The following LDLRAD3 variants were observed in gnomAD, a reference collection of about 807,000 sequenced individuals.
LDLRAD3 encodes low density lipoprotein receptor class A domain containing 3.
LDLRAD3 carries 20 observed loss-of-function variants against 29.4 expected under a neutral mutation model. The ratio of observed to expected loss-of-function variants is 0.68; its 90% CI spans 0.48 to 0.99. LDLRAD3 has a LOEUF of 0.99. LDLRAD3 is among the 50% of genes least tolerant of loss of function. The pLI, the probability that LDLRAD3 is intolerant of heterozygous loss-of-function variation, is 0.00. For missense variants in LDLRAD3, 420 were observed against 454.3 expected (o/e 0.92, Z 0.69); for synonymous variants, 157 against 192.7 (o/e 0.81, Z 1.53).
At chr11:36,015,679 T>C (rs1852013896) in intron 1 of LDLRAD3, among the ~76,000 whole-genome samples, 1 of 150,354 alleles carries the variant, frequency 6.7e-6, no homozygotes, top group Admixed American at 6.6e-5. Flanking sequence ...GCCACTGTTC[T>C]GACTTCCAAC....
intron 1 of LDLRAD3, among the ~76,000 whole-genome samples, chr11:36,035,634 C>T (rs964417570): frequency 8.5e-5 from 13 of 152,104 alleles, no homozygotes; most frequent in Middle Eastern, 3.2e-3. Context: ...AATGATCTCC[C>T]GGTATTCCTT....
intron 1 of LDLRAD3, among the ~76,000 whole-genome samples, chr11:36,015,683 T>A (rs189538863): frequency 3.6e-4 from 54 of 148,304 alleles, no homozygotes; most frequent in Non-Finnish European, 6.4e-4. Flanking sequence ...CTGTTCTGAC[T>A]TCCAACATCA....
intron 1 of LDLRAD3, among the ~76,000 whole-genome samples, chr11:36,007,195 G>A (rs796860785): frequency 1.3e-4 from 20 of 152,292 alleles, no homozygotes; most frequent in African/African-American, 4.6e-4. Flanking sequence ...AGTGGAAGTC[G>A]TACATGCACC....
intron 4 of LDLRAD3, among the ~76,000 whole-genome samples, chr11:36,136,978 A>T (rs1263562525): frequency 1.3e-5 from 2 of 152,188 alleles, no homozygotes; most frequent in African/African-American, 4.8e-5. Context: ...GGCATGAGCC[A>T]CCGCACCCAG....
At chr11:35,986,209 C>T (rs1310698496) in intron 1 of LDLRAD3, among the ~76,000 whole-genome samples, 2 of 152,124 alleles carry the variant, frequency 1.3e-5, no homozygotes. Flanking sequence ...GGCTGATTAT[C>T]TCTAGGAAGA....
chr11:36,101,036 GGACACATACATATGAAGCCCAACTCTT>G (rs1853439139), intron 4 of LDLRAD3, among the ~76,000 whole-genome samples: 1 of 152,134 alleles, frequency 6.6e-6, no homozygotes, highest in African/African-American at 2.4e-5. Context: ...AGTTAGTGGT[GGACACATACATATGAAGCCCAACTCTT>G]GACACATACT....
intron 4 of LDLRAD3, among the ~76,000 whole-genome samples, chr11:36,119,211 G>A (rs1242499408): frequency 1.3e-5 from 2 of 152,196 alleles, no homozygotes; most frequent in Non-Finnish European, 2.9e-5. Flanking sequence ...CTAACCTACA[G>A]TATGTATCAG....
chr11:36,106,967 G>A (rs776900468), intron 4 of LDLRAD3, among the ~76,000 whole-genome samples: 4 of 152,106 alleles, frequency 2.6e-5, no homozygotes, highest in African/African-American at 7.2e-5. Context: ...TACCCTGGGC[G>A]CTGCTGGTCC....
At chr11:36,214,068 T>C (rs1301475495) in intron 4 of LDLRAD3, among the ~76,000 whole-genome samples, 1 of 152,224 alleles carries the variant, frequency 6.6e-6, no homozygotes, top group East Asian at 1.9e-4. Flanking sequence ...CTTCATTAAA[T>C]GCTTTCAGTT....
Position 36,104,603 on chromosome 11 carries a change from G to C in LDLRAD3, c.454+6142G>C, listed in dbSNP as rs1313869094. Among the ~76,000 whole-genome samples the C allele has an allele frequency of 5.3e-5, 8 of 152,226 alleles. 1 individual carries two copies. The East Asian group carries it at 1.5e-3, about 29-fold the overall frequency. On this transcript the variant is annotated intron_variant, in intron 4 of 5. Coordinates refer to ENST00000315571, the MANE Select transcript of LDLRAD3 (RefSeq NM_174902.4). ...ATAGCAAACATTTGGAGTACTAACT[G>C]CATGTCAGGCACCATTCTGAGCATT...
chr11:36,012,612 G>A (rs1851970320), intron 1 of LDLRAD3, among the ~76,000 whole-genome samples: 1 of 152,220 alleles, frequency 6.6e-6, no homozygotes, highest in African/African-American at 2.4e-5. Flanking sequence ...GGCAGATAGT[G>A]TAGACAGTGT....
chr11:36,179,109 A>G (rs1854719645), intron 4 of LDLRAD3, among the ~76,000 whole-genome samples: 2 of 152,204 alleles, frequency 1.3e-5, no homozygotes, highest in South Asian at 2.1e-4. Context: ...TCTGGCTGAC[A>G]TGGGAATCCC....
At chr11:36,004,413 A>T (rs971294190) in intron 1 of LDLRAD3, among the ~76,000 whole-genome samples, 4 of 152,182 alleles carry the variant, frequency 2.6e-5, no homozygotes, top group Non-Finnish European at 5.9e-5. Context: ...CTTTGACTCC[A>T]TGTCTCACAT....
intron 2 of LDLRAD3, among the ~76,000 whole-genome samples, chr11:36,064,965 A>G (rs1852767848): frequency 6.6e-6 from 1 of 152,134 alleles, no homozygotes; most frequent in Non-Finnish European, 1.5e-5. Flanking sequence ...AGAATGTTTC[A>G]TGTATGCTTG....
intron 1 of LDLRAD3, among the ~76,000 whole-genome samples, chr11:35,961,668 A>G (rs757745275): frequency 5.9e-5 from 9 of 152,214 alleles, no homozygotes; most frequent in Admixed American, 2.0e-4. Flanking sequence ...GTGACTTCTC[A>G]GTTGTGCTTT....
chr11:36,077,300 C>G (rs781172885), intron 2 of LDLRAD3, among the ~76,000 whole-genome samples: 5 of 152,126 alleles, frequency 3.3e-5, no homozygotes, highest in African/African-American at 7.2e-5. Flanking sequence ...TTCTTATACC[C>G]CTTCTCTTCT....
At chr11:36,145,606 C>A (rs942204989) in intron 4 of LDLRAD3, among the ~76,000 whole-genome samples, 2 of 151,478 alleles carry the variant, frequency 1.3e-5, no homozygotes, top group African/African-American at 2.4e-5. Flanking sequence ...GGATGGTTGC[C>A]GTGTCTGTGT....
chr11:36,108,908 G>C (rs1194168836), intron 4 of LDLRAD3, among the ~76,000 whole-genome samples: 1 of 152,136 alleles, frequency 6.6e-6, no homozygotes, highest in East Asian at 1.9e-4. Flanking sequence ...TAGCCAAGCA[G>C]TAGGGTGGGG....
chr11:35,950,653 G>C (rs1415756775), intron 1 of LDLRAD3, among the ~76,000 whole-genome samples: 1 of 152,184 alleles, frequency 6.6e-6, no homozygotes, highest in Non-Finnish European at 1.5e-5. Context: ...AAGTGTCTGT[G>C]ATACTTTTTC....
Sources: gnomAD v4.1 joint callset for allele counts (sites outside exome capture counted in the v4.1 genomes callset) on GRCh38, gnomAD v4.1.1 for gene constraint, MANE v1.5 for transcripts, NCBI Gene and HGNC (gene_info 2026-07-23, HGNC 2026-07-21) for gene names.